Variants in DYNC2I1 observed in about 807,000 individuals in gnomAD.
DYNC2I1 encodes the protein dynein 2 intermediate chain 1.
DYNC2I1 carries 89 observed loss-of-function variants against 133.4 expected under a neutral mutation model. The ratio of observed to expected loss-of-function variants is 0.67; its 90% CI spans 0.56 to 0.80. The LOEUF (loss-of-function observed/expected upper bound fraction) is 0.80. Ranked by LOEUF, DYNC2I1 falls within the 30% of genes least tolerant of loss-of-function variation. DYNC2I1 has a pLI of 0.00. For missense variants in DYNC2I1, 1,291 were observed against 1,314.5 expected, an observed-to-expected ratio of 0.98 and a Z score of 0.28; for synonymous variants, 504 against 484.3, an observed-to-expected ratio of 1.04 and a Z score of -0.54.
chr7:158,869,431 G>A (rs1842685095), intron 1 of DYNC2I1: 1 of 471,316 alleles, frequency 2.1e-6, no homozygotes, highest in African/African-American at 2.0e-5. Flanking sequence ...TCTGTCCTGG[G>A]TTGAGCCCAG....
chr7:158,902,260 C>A, intron 9 of DYNC2I1, 116 bp from the exon 10 acceptor site: 2 of 811,328 alleles, frequency 2.5e-6, no homozygotes, highest in Non-Finnish European at 3.9e-6. Flanking sequence ...TCTTTCTTAG[C>A]TGTAATAAGG....
At chr7:158,906,250 T>C (rs1321650575) in intron 11 of DYNC2I1, among the ~76,000 whole-genome samples, 159 bp downstream of exon 11, 3 of 152,158 alleles carry the variant, frequency 2.0e-5, no homozygotes, top group African/African-American at 7.2e-5. Context: ...GATCTTATGT[T>C]AGTAGAGCAG....
chr7:158,880,012 G>C (rs1376166988), intron 5 of DYNC2I1, 23 bp downstream of exon 5: 4 of 1,556,096 alleles, frequency 2.6e-6, no homozygotes, highest in Non-Finnish European at 3.5e-6. Flanking sequence ...ATGCTTCGTT[G>C]CCTTAGCAGC....
chr7:158,901,893 A>G, intron 9 of DYNC2I1, 77 bp downstream of exon 9: 1 of 1,120,322 alleles, frequency 8.9e-7, no homozygotes, highest in South Asian at 1.5e-5. Context: ...TAGTAATTTG[A>G]TGTCCTTTTT....
intron 1 of DYNC2I1, 91 bp from the exon 2 acceptor site, chr7:158,869,764 A>G: frequency 2.1e-6 from 2 of 942,646 alleles, no homozygotes; most frequent in Non-Finnish European, 3.2e-6. Context: ...ATTAACTGCC[A>G]TTGATTTAAA....
intron 24 of DYNC2I1, among the ~76,000 whole-genome samples, chr7:158,944,286 G>A (rs1363847035): frequency 6.6e-6 from 1 of 151,848 alleles, no homozygotes; most frequent in Non-Finnish European, 1.5e-5. Context: ...CTCTTTGCTT[G>A]GATTCTGTCT....
chr7:158,872,108 G>A (rs1188039086), intron 3 of DYNC2I1, among the ~76,000 whole-genome samples: 1 of 151,990 alleles, frequency 6.6e-6, no homozygotes, highest in Non-Finnish European at 1.5e-5. Context: ...TCCAGCCCAG[G>A]ATTTTGAGAC....
chr7:158,937,830 G>A (rs1423344590), intron 23 of DYNC2I1, among the ~76,000 whole-genome samples: 1 of 152,034 alleles, frequency 6.6e-6, no homozygotes, highest in East Asian at 1.9e-4. Flanking sequence ...AGCCTGGAAG[G>A]CCAAGGCTGC....
intron 15 of DYNC2I1, among the ~76,000 whole-genome samples, chr7:158,919,615 G>C (rs1462812896): frequency 6.6e-6 from 1 of 152,184 alleles, no homozygotes; most frequent in Non-Finnish European, 1.5e-5. Context: ...TTCGGGGCAC[G>C]TGTGAGACCA....
At chr7:158,956,237 C>T (rs1382081299) in intron 4 of DYNC2I1, among the ~76,000 whole-genome samples, 2 of 152,210 alleles carry the variant, frequency 1.3e-5, no homozygotes, top group Non-Finnish European at 2.9e-5. Context: ...GGCTAAAATC[C>T]GCATAATCTG....
At chr7:158,841,846 C>T in the DYNC2I1 span, among the ~76,000 whole-genome samples, 1 of 152,196 alleles carries the variant, frequency 6.6e-6, no homozygotes, top group African/African-American at 2.4e-5. Flanking sequence ...GTGAGGTTCA[C>T]ATTTTAGATG....
intron 17 of DYNC2I1, among the ~76,000 whole-genome samples, chr7:158,924,220 G>A: frequency 6.6e-6 from 1 of 152,194 alleles, no homozygotes; most frequent in Non-Finnish European, 1.5e-5. Context: ...TCGCCCTAGT[G>A]TGTAGTGTAC....
chr7:158,869,998 C>T, intron 2 of DYNC2I1, 90 bp downstream of exon 2: 1 of 1,134,318 alleles, frequency 8.8e-7, no homozygotes. Flanking sequence ...CACTGTATAA[C>T]TTTGGTTATG....
intron 1 of DYNC2I1, among the ~76,000 whole-genome samples, chr7:158,862,239 A>G (rs1006003034): frequency 3.3e-5 from 5 of 152,352 alleles, no homozygotes; most frequent in South Asian, 2.1e-4. Flanking sequence ...CAGCCTGGGA[A>G]ACACTGGGAG....
At position 158,913,750 on chromosome 7, in the gene DYNC2I1, C is replaced by A. The variant is rs532985184; in HGVS notation, c.1703-483C>A. Among the ~76,000 whole-genome samples, 57 of 152,198 alleles carry A rather than the reference C, an allele frequency of 3.7e-4. 1 individual carries two copies. The highest frequency in any genetic ancestry group is 7.6e-4 in the Non-Finnish European group (52 of 68,004). On this transcript the variant is annotated intron_variant, in intron 13 of 24. Transcript: ENST00000407559. ...TTGAGATGGAGCCTTGCTCTGTCAC[C>A]CAGGCTGGAGTGCAGTGGCATGATC...
At chr7:158,949,472 T>A (rs1297822199), downstream of DYNC2I1, among the ~76,000 whole-genome samples, 2 of 152,160 alleles carry the variant, frequency 1.3e-5, no homozygotes, top group Non-Finnish European at 2.9e-5. Flanking sequence ...CCCACTCCAG[T>A]GTGTAGACGA....
intron 11 of DYNC2I1, among the ~76,000 whole-genome samples, chr7:158,910,597 G>C (rs185004512): frequency 4.0e-5 from 6 of 151,226 alleles, no homozygotes. Flanking sequence ...CATCAGCTGT[G>C]TCAGGCCTGT....
chr7:158,869,885 G>A lies in DYNC2I1; in HGVS notation c.46G>A (p.Asp16Asn), dbSNP rs991901719. The change falls in exon 2 of 25, where the codon GAT (aspartate) becomes AAT (asparagine). Residue 16 changes from aspartate (D) to asparagine (N), a missense_variant. Physicochemically the swap from Asp to Asn is conservative, Grantham distance 23. Coordinates refer to ENST00000407559, the MANE Select transcript of DYNC2I1 (RefSeq NM_018051.5). ...AACCAAAGATGATACCTGGAAAGCA[G>A]ATGACCTCAGAAAACATCTCTGGGT... ...RRTKDDTWKA[D>N]DLRKHLWAIQ... 1 of 1,613,528 alleles carries A rather than the reference G, an allele frequency of 6.2e-7. No individual in the cohort carries two copies. The highest frequency in any genetic ancestry group is 8.5e-7 in the Non-Finnish European group (1 of 1,179,502).
In DYNC2I1 at chr7:158,937,622, G is replaced by GAAAAAAAAAAAAAAAAAA. The variant is rs71189438; in HGVS notation, c.2778+3086_2778+3087insAAAAAAAAAAAAAAAAAA. 9.2e-4 allele frequency among the ~76,000 whole-genome samples: 101 copies of GAAAAAAAAAAAAAAAAAA among 109,442 alleles called. 10 individuals are homozygous for GAAAAAAAAAAAAAAAAAA. Among genetic ancestry groups the GAAAAAAAAAAAAAAAAAA allele is most frequent in the African/African-American group, 3.2e-3 (88 of 27,258 alleles). The allele number at this position is 109,442 out of a possible 152,430, so 71.8% of individuals were successfully genotyped here. A position where few individuals can be genotyped will look rare whatever the true frequency, so the allele number is the denominator to read the frequency against. On this transcript the variant is annotated intron_variant, in intron 23 of 24. Coordinates refer to ENST00000407559, the MANE Select transcript of DYNC2I1 (RefSeq NM_018051.5). Reference sequence around the variant, plus strand: ...GGGTGACAGGGTGAGACTGTCTCAAGAAAAAAAAAAAAAGACACAAGGCTG... The same window carrying GAAAAAAAAAAAAAAAAAA: ...GGGTGACAGGGTGAGACTGTCTCAAGAAAAAAAAAAAAAAAAAAAAAAAAAAAAAAAGACACAAGGCTG...
Sources: allele counts gnomAD v4.1 joint callset (sites outside exome capture counted in the v4.1 genomes callset), GRCh38; gene constraint gnomAD v4.1.1; transcripts MANE v1.5; gene names NCBI Gene and HGNC (gene_info 2026-07-23, HGNC 2026-07-21).